Variants in EVA1C observed in about 807,000 individuals in gnomAD.
The protein encoded by EVA1C is eva-1 homolog C, also known as protein eva-1 homolog C.
A neutral mutation model predicts 45.4 loss-of-function variants in EVA1C; 25 were observed. That is an observed-to-expected ratio of 0.55 (90% confidence interval 0.40 to 0.77). The LOEUF is 0.77. Among genes scored for constraint, EVA1C ranks in the 30% least tolerant of loss-of-function variants. EVA1C has a pLI of 0.00. For synonymous variants in EVA1C, 190 were observed against 221.2 expected (o/e 0.86, Z 1.25); for missense variants, 479 against 554.8 (o/e 0.86, Z 1.37).
chr21:32,457,813 C>T (rs897150207), intron 3 of EVA1C, 93 bp downstream of exon 3: 77 of 1,482,992 alleles, frequency 5.2e-5, no homozygotes, highest in Non-Finnish European at 6.9e-5. Flanking sequence ...TGGCATTTGT[C>T]CAACTTTGAA....
intron 4 of EVA1C, among the ~76,000 whole-genome samples, chr21:32,484,614 T>A (rs1378476365): frequency 1.3e-5 from 2 of 151,812 alleles, no homozygotes; most frequent in Non-Finnish European, 2.9e-5. Flanking sequence ...TCACCCGGGG[T>A]TCTGTCAACC....
At chr21:32,470,430 C>T (rs2036328366) in intron 4 of EVA1C, among the ~76,000 whole-genome samples, 1 of 152,222 alleles carries the variant, frequency 6.6e-6, no homozygotes, top group African/African-American at 2.4e-5. Flanking sequence ...TCGATCTGGG[C>T]ATGAGCATTC....
intron 4 of EVA1C, among the ~76,000 whole-genome samples, chr21:32,477,575 G>C (rs2036609734): frequency 1.3e-5 from 2 of 151,966 alleles, no homozygotes; most frequent in African/African-American, 4.8e-5. Context: ...GGGTGGTTTG[G>C]TGCTGATTGT....
At position 32,466,501 on chromosome 21, in the gene EVA1C, AAT is replaced by A. The variant is rs1491139344; in HGVS notation, c.482-1193_482-1192del. ...TTGGAGTACATTCTTTAAAAAAAAA[AAT>A]AAACTGTGTTTTCTTCAACAGTGCA... On this transcript the variant is annotated intron_variant, in intron 3 of 7. Coordinates refer to ENST00000300255, the MANE Select transcript of EVA1C (RefSeq NM_058187.5). 1.2e-3 allele frequency among the ~76,000 whole-genome samples: 173 copies of A among 148,038 alleles called. 2 individuals carry two copies. In the South Asian group the frequency reaches 0.027, roughly 23 times the overall value.
intron 3 of EVA1C, among the ~76,000 whole-genome samples, chr21:32,457,937 C>T (rs951064010): frequency 6.6e-6 from 1 of 152,168 alleles, no homozygotes; most frequent in Non-Finnish European, 1.5e-5. Context: ...TCTGCACATG[C>T]CTTCATTTTC....
chr21:32,429,200 A>C (rs1601227727), intron 1 of EVA1C, among the ~76,000 whole-genome samples: 2 of 151,826 alleles, frequency 1.3e-5, no homozygotes, highest in African/African-American at 4.8e-5. Flanking sequence ...ACCACAAAGC[A>C]CAGCTAATTT....
At chr21:32,463,332 C>T (rs2036067197) in intron 3 of EVA1C, among the ~76,000 whole-genome samples, 1 of 152,190 alleles carries the variant, frequency 6.6e-6, no homozygotes, top group African/African-American at 2.4e-5. Flanking sequence ...GAAGGCTGCC[C>T]ACACCTTCTC....
At chr21:32,502,065 T>G (rs1272342037) in intron 6 of EVA1C, among the ~76,000 whole-genome samples, 22 of 150,448 alleles carry the variant, frequency 1.5e-4, no homozygotes, top group African/African-American at 5.4e-4. Context: ...CTTTCTTTCT[T>G]TCTTCTGTCT....
chr21:32,503,731 G>T (rs114820853), intron 6 of EVA1C, among the ~76,000 whole-genome samples, 195 bp from the exon 7 acceptor site: 11,712 of 152,066 alleles, frequency 0.077, 737 homozygotes, highest in African/African-American at 0.17. Flanking sequence ...CTTTAATATT[G>T]TCGGGGACTG....
chr21:32,481,180 A>G (rs982771057), intron 4 of EVA1C, among the ~76,000 whole-genome samples: 1 of 152,258 alleles, frequency 6.6e-6, no homozygotes, highest in Middle Eastern at 3.4e-3. Flanking sequence ...GGAAAAAACG[A>G]TACTACTTAT....
intron 1 of EVA1C, among the ~76,000 whole-genome samples, chr21:32,413,357 T>C (rs2146082856): frequency 6.6e-6 from 1 of 152,336 alleles, no homozygotes; most frequent in Middle Eastern, 3.4e-3. Context: ...CGCTGTAAAA[T>C]ACACGTGTTG....
chr21:32,434,636 T>A lies in EVA1C; in HGVS notation c.161-18676T>A, dbSNP rs60795545. ...AATAAATAAATAAATAAATAAAATT[T>A]TATATATATATAGATATAGATATGG... On this transcript the variant is annotated intron_variant, in intron 1 of 7. Transcript: ENST00000300255. 0.017 allele frequency among the ~76,000 whole-genome samples: 2,230 copies of A among 134,604 alleles called. 94 individuals are homozygous for A. In the East Asian group the frequency reaches 0.18, roughly 11 times the overall value. The allele number at this position is 134,604 out of a possible 152,430, so 88.3% of individuals were successfully genotyped here.
chr21:32,485,694 A>G (rs2036950640), intron 4 of EVA1C, among the ~76,000 whole-genome samples: 1 of 151,316 alleles, frequency 6.6e-6, no homozygotes, highest in Non-Finnish European at 1.5e-5. Context: ...ACCTTTTCCC[A>G]CTCTTGTCTA....
At chr21:32,496,895 G>A (rs2037370088) in intron 5 of EVA1C, 1 of 1,194,560 alleles carries the variant, frequency 8.4e-7, no homozygotes, top group South Asian at 1.2e-5. Flanking sequence ...GTTGGAGGGA[G>A]TGAGCCAGTT....
Position 32,445,500 on chromosome 21 carries a change from G to A in EVA1C, c.161-7812G>A, listed in dbSNP as rs151302808. Reference sequence around the variant, plus strand: ...AACCAAATGGGAGGCAGGTTTGTGCGACCCAGTTCCCAGCTTGACTGTTCC... The same window carrying A: ...AACCAAATGGGAGGCAGGTTTGTGCAACCCAGTTCCCAGCTTGACTGTTCC... On this transcript the variant is annotated intron_variant, in intron 1 of 7. Coordinates refer to ENST00000300255, the MANE Select transcript of EVA1C (RefSeq NM_058187.5). 4.3e-3 allele frequency among the ~76,000 whole-genome samples: 658 copies of A among 152,278 alleles called. 5 individuals are homozygous for A. The highest frequency in any genetic ancestry group is 0.015 in the African/African-American group (618 of 41,552).
intron 4 of EVA1C, among the ~76,000 whole-genome samples, chr21:32,479,841 G>A (rs767085489): frequency 2.6e-4 from 34 of 132,410 alleles, no homozygotes; most frequent in Non-Finnish European, 4.3e-4. Flanking sequence ...TGTAGTCCCA[G>A]CTACTCTTTT....
At chr21:32,428,005 C>G (rs766875071) in intron 1 of EVA1C, among the ~76,000 whole-genome samples, 35 of 152,098 alleles carry the variant, frequency 2.3e-4, no homozygotes, top group Non-Finnish European at 1.0e-4. Context: ...AGTTTGTCCT[C>G]CATGTCCCTT....
At chr21:32,483,870 G>A (rs970864784) in intron 4 of EVA1C, among the ~76,000 whole-genome samples, 3 of 152,062 alleles carry the variant, frequency 2.0e-5, no homozygotes, top group Non-Finnish European at 4.4e-5. Flanking sequence ...GATATAAGAC[G>A]AGATCAGGTG....
chr21:32,451,370 G>A (rs2035573318), intron 1 of EVA1C, among the ~76,000 whole-genome samples: 1 of 152,136 alleles, frequency 6.6e-6, no homozygotes, highest in African/African-American at 2.4e-5. Flanking sequence ...TGAGGTGTGA[G>A]AAGGAGGAAG....
Sources: allele counts gnomAD v4.1 joint callset (sites outside exome capture counted in the v4.1 genomes callset), GRCh38; gene constraint gnomAD v4.1.1; transcripts MANE v1.5; gene names NCBI Gene and HGNC (gene_info 2026-07-23, HGNC 2026-07-21).